L3MBTL4: variants seen among roughly 807,000 people sequenced by gnomAD.
L3MBTL4 encodes L3MBTL histone methyl-lysine binding protein 4, also known as lethal(3)malignant brain tumor-like protein 4.
In L3MBTL4, 70 loss-of-function variants were observed where a neutral mutation model predicts 84.5. That is an observed-to-expected ratio of 0.83 (90% CI 0.68 to 1.01). L3MBTL4 has a LOEUF of 1.01. L3MBTL4 is among the 50% of genes least tolerant of loss of function. The pLI is 0.00. For synonymous variants in L3MBTL4, 274 were observed against 259.8 expected (o/e 1.05, Z -0.52); for missense variants, 715 against 754.8 (o/e 0.95, Z 0.62).
rs148421246 is a variant in L3MBTL4 at position 6,116,549 on chromosome 18, A to T, written c.1199+21645T>A. ...CAGCTAATTTTTGTATTTTTAGCAG[A>T]GACAGGGTTTTGCCCTGTTGGTCAG... On this transcript the variant is annotated intron_variant, in intron 14 of 18. Transcript: ENST00000317931. Among the ~76,000 whole-genome samples the T allele has an allele frequency of 8.3e-3, 1,258 of 152,038 alleles. 19 individuals carry two copies. The highest frequency in any genetic ancestry group is 0.029 in the African/African-American group (1,211 of 41,442).
In L3MBTL4 at chr18:6,355,973, C is replaced by T. The variant is rs887637881; in HGVS notation, c.-90-43917G>A. Among the ~76,000 whole-genome samples the T allele has an allele frequency of 5.3e-5, 8 of 152,290 alleles. No homozygotes were observed. In the South Asian group the frequency reaches 1.7e-3, roughly 32 times the overall value. On this transcript the variant is annotated intron_variant, in intron 1 of 18. Coordinates refer to ENST00000317931, the MANE Select transcript of L3MBTL4 (RefSeq NM_001330559.2). ...TCCATTTCTATGACACCACAATCAA[C>T]GGCCACCATAGTAGCAGGCTTGAGA... is the stretch of plus-strand genomic sequence containing the variant.
At chr18:6,134,331 C>T (rs539943865) in intron 14 of L3MBTL4, among the ~76,000 whole-genome samples, 23 of 152,226 alleles carry the variant, frequency 1.5e-4, no homozygotes, top group Admixed American at 3.3e-4. Context: ...CCATATCATT[C>T]CACCCCGGCC....
At chr18:6,238,324 G>A (rs1396395632) in intron 9 of L3MBTL4, among the ~76,000 whole-genome samples, 5 of 152,192 alleles carry the variant, frequency 3.3e-5, no homozygotes, top group African/African-American at 1.2e-4. Flanking sequence ...ATGAGGTCAG[G>A]AGATCGAGAC....
chr18:6,353,010 C>T (rs1467352149), intron 1 of L3MBTL4, among the ~76,000 whole-genome samples: 2 of 152,072 alleles, frequency 1.3e-5, no homozygotes, highest in Admixed American at 1.3e-4. Context: ...TATAGTTTTT[C>T]AATAAATTAA....
intron 18 of L3MBTL4, among the ~76,000 whole-genome samples, chr18:5,959,507 G>A (rs1199321334): frequency 1.3e-5 from 2 of 152,126 alleles, no homozygotes; most frequent in Non-Finnish European, 2.9e-5. Context: ...GGAAATATGC[G>A]AAGCAGTTCA....
chr18:6,192,784 A>G (rs2045179710), intron 12 of L3MBTL4, among the ~76,000 whole-genome samples: 1 of 152,014 alleles, frequency 6.6e-6, no homozygotes, highest in African/African-American at 2.4e-5. Flanking sequence ...TCCGGGAGGC[A>G]GGTACAGAGC....
chr18:6,189,424 G>A (rs1481988705), intron 12 of L3MBTL4, among the ~76,000 whole-genome samples: 2 of 152,146 alleles, frequency 1.3e-5, no homozygotes, highest in East Asian at 3.9e-4. Flanking sequence ...CCACCTAACA[G>A]AAGAAAAGGC....
chr18:6,050,940 C>T (rs1288593877), intron 16 of L3MBTL4, among the ~76,000 whole-genome samples: 1 of 152,078 alleles, frequency 6.6e-6, no homozygotes, highest in Non-Finnish European at 1.5e-5. Flanking sequence ...TTTCTCTGGC[C>T]TCAGGTCTCT....
intron 10 of L3MBTL4, among the ~76,000 whole-genome samples, chr18:6,225,707 C>A (rs1486367218): frequency 2.0e-5 from 3 of 149,996 alleles, no homozygotes; most frequent in Non-Finnish European, 4.4e-5. Flanking sequence ...TTGCAGTGAG[C>A]CAAGGTCGTG....
intron 13 of L3MBTL4, among the ~76,000 whole-genome samples, chr18:6,139,580 CCTG>C (rs1305882613): frequency 6.6e-6 from 1 of 152,078 alleles, no homozygotes; most frequent in Non-Finnish European, 1.5e-5. Flanking sequence ...TCCCATACCT[CCTG>C]CTGTTCTGGG....
Position 6,068,163 on chromosome 18 carries a change from T to C in L3MBTL4, c.1444+12718A>G, listed in dbSNP as rs149218751. On this transcript the variant is annotated intron_variant, in intron 16 of 18. Coordinates refer to ENST00000317931, the MANE Select transcript of L3MBTL4 (RefSeq NM_001330559.2). ...CTGTGGGTAAGTTCACTGTCTCCTG[T>C]AGGGTTGGAATGGCTAGGATCTCTT... is the stretch of plus-strand genomic sequence containing the variant. 1.8e-3 allele frequency among the ~76,000 whole-genome samples: 277 copies of C among 152,314 alleles called. 3 individuals carry two copies. Among genetic ancestry groups the C allele is most frequent in the African/African-American group, 5.9e-3 (247 of 41,572 alleles).
chr18:6,395,275 C>G (rs1267680267), intron 1 of L3MBTL4: 2 of 152,130 alleles, frequency 1.3e-5, no homozygotes, highest in African/African-American at 4.8e-5. Context: ...GGCAAATGAT[C>G]ATTATCCATG....
chr18:6,348,210 C>T (rs936416639), intron 1 of L3MBTL4, among the ~76,000 whole-genome samples: 1 of 151,872 alleles, frequency 6.6e-6, no homozygotes, highest in South Asian at 2.1e-4. Flanking sequence ...GTAAAGGTGA[C>T]AATTATGCCC....
At chr18:6,164,932 A>C (rs1329444764) in intron 13 of L3MBTL4, among the ~76,000 whole-genome samples, 1 of 152,204 alleles carries the variant, frequency 6.6e-6, no homozygotes, top group African/African-American at 2.4e-5. Flanking sequence ...AAAAACCTTG[A>C]AAAAAGATTA....
At chr18:6,353,744 A>G (rs1169732253) in intron 1 of L3MBTL4, among the ~76,000 whole-genome samples, 1 of 152,172 alleles carries the variant, frequency 6.6e-6, no homozygotes, top group Non-Finnish European at 1.5e-5. Flanking sequence ...AAAGATCTCT[A>G]TAATGAAAAT....
intron 13 of L3MBTL4, among the ~76,000 whole-genome samples, chr18:6,147,192 G>A (rs1337453088): frequency 6.6e-6 from 1 of 152,040 alleles, no homozygotes; most frequent in Non-Finnish European, 1.5e-5. Context: ...CACCCCACAG[G>A]AAATTTGTAT....
At chr18:6,408,865 T>C (rs909120379) in intron 1 of L3MBTL4, among the ~76,000 whole-genome samples, 2 of 151,908 alleles carry the variant, frequency 1.3e-5, no homozygotes, top group South Asian at 4.2e-4. Context: ...TTAGTAGAGA[T>C]GGGGTTTCGC....
chr18:6,263,212 C>T (rs1396824894), intron 5 of L3MBTL4, among the ~76,000 whole-genome samples: 1 of 147,898 alleles, frequency 6.8e-6, no homozygotes, highest in Non-Finnish European at 1.5e-5. Flanking sequence ...GAGGTTGCCA[C>T]GAGCCAAGAT....
intron 16 of L3MBTL4, among the ~76,000 whole-genome samples, chr18:6,018,236 C>T (rs1429605532): frequency 6.6e-6 from 1 of 152,068 alleles, no homozygotes; most frequent in African/African-American, 2.4e-5. Flanking sequence ...GGCTGCCCAC[C>T]CCAAGGACAG....
Sources: gnomAD v4.1 joint callset for allele counts (sites outside exome capture counted in the v4.1 genomes callset) on GRCh38, gnomAD v4.1.1 for gene constraint, MANE v1.5 for transcripts, NCBI Gene and HGNC (gene_info 2026-07-23, HGNC 2026-07-21) for gene names.